Variants in GALNT13 observed in about 807,000 individuals in gnomAD.
GALNT13 encodes the protein polypeptide N-acetylgalactosaminyltransferase 13, also known as UDP-GalNAc:polypeptide N-acetylgalactosaminyltransferase 13.
GALNT13 carries 28 observed loss-of-function variants against 64.2 expected under a neutral mutation model. That is an observed-to-expected ratio of 0.44 (90% CI 0.32 to 0.60). GALNT13 has a LOEUF of 0.60. GALNT13 is among the 20% of genes least tolerant of loss of function. GALNT13 has a pLI of 0.05. For synonymous variants in GALNT13, 214 were observed against 224.6 expected, an observed-to-expected ratio of 0.95 and a Z score of 0.42; for missense variants, 577 against 669.8, an observed-to-expected ratio of 0.86 and a Z score of 1.53.
At chr2:153,866,403 C>T in the GALNT13 span, among the ~76,000 whole-genome samples, 13 of 152,178 alleles carry the variant, frequency 8.5e-5, no homozygotes, top group Non-Finnish European at 1.3e-4. Context: ...ACAACAACCA[C>T]CTCCCTTTAT....
intron 4 of GALNT13, among the ~76,000 whole-genome samples, chr2:154,229,148 T>G (rs1688782999): frequency 1.3e-5 from 2 of 152,008 alleles, no homozygotes; most frequent in African/African-American, 2.4e-5. Flanking sequence ...AAAAAAATGC[T>G]TCTCTGAATG....
chr2:153,097,933 G>T, the GALNT13 span, among the ~76,000 whole-genome samples: 1 of 152,126 alleles, frequency 6.6e-6, no homozygotes, highest in African/African-American at 2.4e-5. Flanking sequence ...GGGCGTGGTC[G>T]TGGGCACCTG....
chr2:153,591,670 C>T, the GALNT13 span, among the ~76,000 whole-genome samples: 2 of 151,856 alleles, frequency 1.3e-5, no homozygotes, highest in Non-Finnish European at 2.9e-5. Context: ...TCACCATATA[C>T]AAAAATCAAC....
At chr2:153,752,099 CAAAT>C in the GALNT13 span, among the ~76,000 whole-genome samples, 2 of 151,900 alleles carry the variant, frequency 1.3e-5, no homozygotes, top group African/African-American at 2.4e-5. Context: ...AAGAAACAAA[CAAAT>C]AAAACTAATA....
intron 3 of GALNT13, among the ~76,000 whole-genome samples, chr2:154,071,543 C>T (rs938550351): frequency 6.6e-6 from 1 of 152,142 alleles, no homozygotes; most frequent in Admixed American, 6.5e-5. Flanking sequence ...TATGTTAGCA[C>T]AGTTAGTCCT....
intron 4 of GALNT13, among the ~76,000 whole-genome samples, chr2:154,157,249 C>G (rs1684474833): frequency 6.6e-6 from 1 of 152,092 alleles, no homozygotes; most frequent in African/African-American, 2.4e-5. Flanking sequence ...ATTTGTAGCC[C>G]TTTACTCTGC....
At chr2:153,297,377 C>T in the GALNT13 span, among the ~76,000 whole-genome samples, 198 of 152,098 alleles carry the variant, frequency 1.3e-3, 6 homozygotes, top group East Asian at 0.036. Flanking sequence ...TAATTTAAGA[C>T]ACGAAAATGT....
At chr2:154,324,764 A>G (rs1162134910) in intron 9 of GALNT13, among the ~76,000 whole-genome samples, 1 of 152,102 alleles carries the variant, frequency 6.6e-6, no homozygotes, top group South Asian at 2.1e-4. Flanking sequence ...GTCACTGATT[A>G]TAACTGAGAG....
intron 10 of GALNT13, among the ~76,000 whole-genome samples, chr2:154,405,354 TA>T (rs1186273145): frequency 1.3e-5 from 2 of 151,730 alleles, no homozygotes; most frequent in Non-Finnish European, 2.9e-5. Context: ...AATTGGAAAC[TA>T]AATTGTTCAA....
chr2:153,217,414 T>G, the GALNT13 span, among the ~76,000 whole-genome samples: 1 of 152,120 alleles, frequency 6.6e-6, no homozygotes, highest in Non-Finnish European at 1.5e-5. Flanking sequence ...TTTCCAAGGA[T>G]TCTACCTTGT....
chr2:154,231,017 C>T (rs1427393262), intron 4 of GALNT13, among the ~76,000 whole-genome samples: 1 of 152,072 alleles, frequency 6.6e-6, no homozygotes, highest in Non-Finnish European at 1.5e-5. Context: ...GAACTTTAGA[C>T]AAAACTCATT....
At chr2:153,369,354 C>A in the GALNT13 span, among the ~76,000 whole-genome samples, 1 of 151,752 alleles carries the variant, frequency 6.6e-6, no homozygotes, top group African/African-American at 2.4e-5. Context: ...GGAAAAAAAT[C>A]GATGAAACCA....
chr2:154,019,606 A>G (rs1451230132), intron 3 of GALNT13, among the ~76,000 whole-genome samples: 1 of 31,358 alleles, frequency 3.2e-5, no homozygotes, highest in Admixed American at 4.2e-4. Context: ...AAGACTCCAC[A>G]CACACACACA....
the GALNT13 span, among the ~76,000 whole-genome samples, chr2:153,782,383 T>C: frequency 6.6e-6 from 1 of 152,190 alleles, no homozygotes; most frequent in Non-Finnish European, 1.5e-5. Flanking sequence ...GGGTATAAAC[T>C]TGTACAGCAT....
the GALNT13 span, among the ~76,000 whole-genome samples, chr2:153,361,645 A>G: frequency 6.6e-6 from 1 of 152,032 alleles, no homozygotes; most frequent in Non-Finnish European, 1.5e-5. Flanking sequence ...CATCTTACTA[A>G]AATAATACAG....
At chr2:153,141,510 A>G in the GALNT13 span, among the ~76,000 whole-genome samples, 1 of 152,032 alleles carries the variant, frequency 6.6e-6, no homozygotes, top group Non-Finnish European at 1.5e-5. Flanking sequence ...TCTGCAATAC[A>G]GATGGTGGAT....
chr2:154,173,828 A>G (rs1244707670), intron 4 of GALNT13, among the ~76,000 whole-genome samples: 2 of 152,164 alleles, frequency 1.3e-5, no homozygotes, highest in Non-Finnish European at 2.9e-5. Context: ...CAAAACTATA[A>G]TGAGACATTA....
chr2:153,179,105 C>T, the GALNT13 span, among the ~76,000 whole-genome samples: 16 of 152,122 alleles, frequency 1.1e-4, no homozygotes, highest in African/African-American at 3.1e-4. Flanking sequence ...TCGAAAATAT[C>T]ATTGCCCAGA....
At chr2:153,756,571 A>T in the GALNT13 span, among the ~76,000 whole-genome samples, 1 of 152,154 alleles carries the variant, frequency 6.6e-6, no homozygotes, top group East Asian at 1.9e-4. Flanking sequence ...TTGCAAAGAG[A>T]TGAAACTTGC....
Sources: gnomAD v4.1 joint callset for allele counts (sites outside exome capture counted in the v4.1 genomes callset) on GRCh38, gnomAD v4.1.1 for gene constraint, MANE v1.5 for transcripts, NCBI Gene and HGNC (gene_info 2026-07-23, HGNC 2026-07-21) for gene names.